The following ADAMTS19 variants were observed in gnomAD, a reference collection of about 807,000 sequenced individuals.
ADAMTS19 encodes A disintegrin and metalloproteinase with thrombospondin motifs 19.
Under a neutral mutation model 153.3 loss-of-function variants are expected in ADAMTS19, and 93 were observed. That is an observed-to-expected ratio of 0.61 (90% confidence interval 0.51 to 0.72). The LOEUF (loss-of-function observed/expected upper bound fraction) is 0.72, where lower values mean the gene tolerates loss of function less well. Ranked by LOEUF, ADAMTS19 falls within the 30% of genes least tolerant of loss-of-function variation. ADAMTS19 has a pLI of 0.00. For missense variants in ADAMTS19, 1,482 were observed against 1,552.1 expected (o/e 0.95, Z 0.76); for synonymous variants, 600 against 556.6 (o/e 1.08, Z -1.10).
At chr5:129,610,742 A>G (rs1417466651) in intron 8 of ADAMTS19, among the ~76,000 whole-genome samples, 2 of 152,164 alleles carry the variant, frequency 1.3e-5, no homozygotes, top group East Asian at 1.9e-4. Context: ...TAGTGCCGCA[A>G]TAAACATACG....
intron 10 of ADAMTS19, among the ~76,000 whole-genome samples, chr5:129,627,792 C>T (rs1232943270): frequency 6.6e-6 from 1 of 151,920 alleles, no homozygotes; most frequent in Non-Finnish European, 1.5e-5. Flanking sequence ...CAAAAAATAA[C>T]AGATGCTGGT....
chr5:129,596,427 G>T, intron 7 of ADAMTS19, 132 bp from the exon 8 acceptor site: 1 of 571,598 alleles, frequency 1.7e-6, no homozygotes, highest in South Asian at 3.1e-5. Context: ...TCATTTATTA[G>T]GGCTAGATTT....
chr5:129,531,854 A>G (rs73246885), intron 6 of ADAMTS19, among the ~76,000 whole-genome samples: 5,266 of 152,252 alleles, frequency 0.035, 295 homozygotes, highest in African/African-American at 0.12. Context: ...CCAGATATAT[A>G]GGGTCAATTG....
At chr5:129,691,793 G>A (rs1047028548) in intron 18 of ADAMTS19, among the ~76,000 whole-genome samples, 4 of 152,012 alleles carry the variant, frequency 2.6e-5, no homozygotes, top group African/African-American at 9.7e-5. Context: ...AAATGATGCC[G>A]ATACCTATAT....
chr5:129,579,973 A>G (rs1749428164), intron 7 of ADAMTS19, among the ~76,000 whole-genome samples: 1 of 152,186 alleles, frequency 6.6e-6, no homozygotes, highest in Non-Finnish European at 1.5e-5. Context: ...TTCTGTGAAG[A>G]AAGTCAATGG....
intron 6 of ADAMTS19, among the ~76,000 whole-genome samples, chr5:129,542,157 C>T (rs1292234530): frequency 6.6e-6 from 1 of 151,994 alleles, no homozygotes; most frequent in African/African-American, 2.4e-5. Flanking sequence ...AAAGGAAGAA[C>T]TGAAGAATCA....
At chr5:129,550,681 A>G (rs113318409) in intron 6 of ADAMTS19, among the ~76,000 whole-genome samples, 1 of 150,566 alleles carries the variant, frequency 6.6e-6, no homozygotes, top group South Asian at 2.1e-4. Flanking sequence ...TTCATTGGTG[A>G]ATAGGCAAAA....
intron 16 of ADAMTS19, among the ~76,000 whole-genome samples, chr5:129,668,962 G>C (rs1754175860): frequency 6.6e-6 from 1 of 152,024 alleles, no homozygotes; most frequent in South Asian, 2.1e-4. Context: ...CAAAGCTGGA[G>C]GATGCAGACT....
intron 8 of ADAMTS19, among the ~76,000 whole-genome samples, chr5:129,615,628 A>AT (rs1193136987): frequency 6.6e-6 from 1 of 151,984 alleles, no homozygotes; most frequent in African/African-American, 2.4e-5. Context: ...TTTTATATTA[A>AT]TACACTCATA....
intron 2 of ADAMTS19, among the ~76,000 whole-genome samples, chr5:129,493,228 T>C (rs959635591): frequency 4.6e-5 from 7 of 152,200 alleles, no homozygotes; most frequent in Non-Finnish European, 7.4e-5. Flanking sequence ...CTATATGTTA[T>C]AATTTTATGT....
At chr5:129,729,700 C>T (rs1161060825) in intron 21 of ADAMTS19, among the ~76,000 whole-genome samples, 1 of 151,840 alleles carries the variant, frequency 6.6e-6, no homozygotes, top group Admixed American at 6.6e-5. Flanking sequence ...TTTCTTAGAC[C>T]CCAAAATTTT....
At chr5:129,615,114 A>G (rs1751446470) in intron 8 of ADAMTS19, among the ~76,000 whole-genome samples, 2 of 152,090 alleles carry the variant, frequency 1.3e-5, no homozygotes, top group Non-Finnish European at 2.9e-5. Flanking sequence ...ATACTGCCCA[A>G]GGTAATTTAT....
chr5:129,467,975 TACC>T (rs1749928508), intron 2 of ADAMTS19, among the ~76,000 whole-genome samples: 1 of 152,268 alleles, frequency 6.6e-6, no homozygotes, highest in Admixed American at 6.5e-5. Flanking sequence ...CACGTGGTAT[TACC>T]ACAATTGAGT....
intron 2 of ADAMTS19, among the ~76,000 whole-genome samples, chr5:129,506,384 C>A (rs1165533163): frequency 6.6e-6 from 1 of 151,890 alleles, no homozygotes; most frequent in Non-Finnish European, 1.5e-5. Flanking sequence ...ATTATTCCAA[C>A]TTGTTTTTTC....
chr5:129,567,446 A>C (rs1031848518), intron 7 of ADAMTS19, among the ~76,000 whole-genome samples: 5 of 152,204 alleles, frequency 3.3e-5, no homozygotes, highest in Admixed American at 3.3e-4. Flanking sequence ...AAGATGATCT[A>C]ACAAGTAAGG....
At chr5:129,496,930 A>G (rs1750943952) in intron 2 of ADAMTS19, among the ~76,000 whole-genome samples, 1 of 152,114 alleles carries the variant, frequency 6.6e-6, no homozygotes. Flanking sequence ...GGAACATGTA[A>G]AATTTTCTCT....
chr5:129,572,027 AT>A (rs1753930327), intron 7 of ADAMTS19, among the ~76,000 whole-genome samples: 1 of 151,982 alleles, frequency 6.6e-6, no homozygotes, highest in Admixed American at 6.6e-5. Context: ...ATGCAAAACT[AT>A]AAAAACTTAG....
At chr5:129,607,739 C>G (rs1750976079) in intron 8 of ADAMTS19, among the ~76,000 whole-genome samples, 3 of 151,836 alleles carry the variant, frequency 2.0e-5, no homozygotes, top group African/African-American at 7.3e-5. Context: ...ATAGGCCTGT[C>G]CAACTATTTC....
intron 2 of ADAMTS19, among the ~76,000 whole-genome samples, chr5:129,489,637 G>A (rs1425598695): frequency 1.3e-5 from 2 of 152,052 alleles, no homozygotes; most frequent in African/African-American, 4.8e-5. Flanking sequence ...AGTTTGAGGG[G>A]GAAAAAGACT....
Sources: allele counts gnomAD v4.1 joint callset (sites outside exome capture counted in the v4.1 genomes callset), GRCh38; gene constraint gnomAD v4.1.1; transcripts MANE v1.5; gene names NCBI Gene and HGNC (gene_info 2026-07-23, HGNC 2026-07-21).